Variants in ERC1 observed in about 807,000 individuals in gnomAD.
ERC1 encodes the protein RAB6 interacting protein 2.
A neutral mutation model predicts 132.0 loss-of-function variants in ERC1; 56 were observed. That is an observed-to-expected ratio of 0.42 (90% CI 0.34 to 0.53). The LOEUF is 0.53. Among genes scored for constraint, ERC1 ranks in the 20% least tolerant of loss-of-function variants. The pLI is 0.03. For synonymous variants in ERC1, 478 were observed against 476.1 expected, an observed-to-expected ratio of 1.00 and a Z score of -0.05; for missense variants, 1,202 against 1,349.9, an observed-to-expected ratio of 0.89 and a Z score of 1.72.
intron 15 of ERC1, among the ~76,000 whole-genome samples, chr12:1,324,647 T>C (rs964424154): frequency 2.0e-5 from 3 of 152,312 alleles, no homozygotes; most frequent in Non-Finnish European, 4.4e-5. Context: ...CCAATACATA[T>C]GGTATGACAG....
At chr12:1,409,919 G>A (rs1165880009) in intron 17 of ERC1, among the ~76,000 whole-genome samples, 3 of 152,024 alleles carry the variant, frequency 2.0e-5, no homozygotes, top group Non-Finnish European at 4.4e-5. Context: ...GTGTTGGCCA[G>A]GCTGGTCTCA....
rs1031194793 is a variant in ERC1, at chr12:1,415,416, T to C, written c.3024+7169T>C. ...GGATTTGGACCAGTATGCTAGACTT[T>C]TCTTTTTCATTAGAGATGATGTAAA... On this transcript the variant is annotated intron_variant, in intron 17 of 18. Coordinates refer to ENST00000360905, the MANE Select transcript of ERC1 (RefSeq NM_178040.4). Among the ~76,000 whole-genome samples the C allele has an allele frequency of 1.1e-4, 16 of 152,248 alleles. 1 individual carries two copies. The highest frequency in any genetic ancestry group is 7.8e-4 in the Admixed American group (12 of 15,288).
intron 13 of ERC1, among the ~76,000 whole-genome samples, chr12:1,239,431 A>G (rs1052931484): frequency 3.9e-5 from 6 of 152,226 alleles, no homozygotes; most frequent in Non-Finnish European, 8.8e-5. Flanking sequence ...TTACAACAAC[A>G]TAATGAAGAA....
chr12:1,025,003 C>G (rs1291277477), intron 1 of ERC1, among the ~76,000 whole-genome samples: 1 of 151,918 alleles, frequency 6.6e-6, no homozygotes, highest in Admixed American at 6.6e-5. Flanking sequence ...TGGAGGATAT[C>G]CATAGGTTTT....
At chr12:1,430,640 A>T (rs1592006653) in intron 17 of ERC1, 1 of 152,390 alleles carries the variant, frequency 6.6e-6, no homozygotes, top group East Asian at 1.9e-4. Context: ...TTGGCCTCCC[A>T]AAGTGCTGGA....
At chr12:1,244,494 A>G (rs1435645894) in intron 13 of ERC1, 1 of 418,188 alleles carries the variant, frequency 2.4e-6, no homozygotes, top group Admixed American at 2.5e-5. Flanking sequence ...TTTTGTACTT[A>G]ATGGTTTGTT....
chr12:1,189,941 A>C lies in ERC1; in HGVS notation c.2240A>C (p.Tyr747Ser), dbSNP rs761194606. The change falls in exon 12 of 19, where the codon TAC becomes TCC. Residue 747 changes from tyrosine (Y) to serine (S), a missense_variant. Coordinates refer to ENST00000360905, the MANE Select transcript of ERC1 (RefSeq NM_178040.4). ...IQHLEREITR[Y>S]KDESSKAQAE... ...CACTTGGAGAGAGAGATCACCAGGTACAAAGATGAATCTAGCAAGGCCCAG... is the reference window on the plus strand; with the variant it reads ...CACTTGGAGAGAGAGATCACCAGGTCCAAAGATGAATCTAGCAAGGCCCAG... The C allele has an allele frequency of 6.2e-7, 1 of 1,614,132 alleles. No individual in the cohort carries two copies. The highest frequency in any genetic ancestry group is 1.1e-5 in the South Asian group (1 of 91,080).
chr12:1,170,602 A>T (rs1297962966), intron 8 of ERC1, among the ~76,000 whole-genome samples: 2 of 152,156 alleles, frequency 1.3e-5, no homozygotes, highest in South Asian at 2.1e-4. Flanking sequence ...AGGTCTGTCA[A>T]TTTTTTATAT....
At chr12:1,106,140 GTTTC>G (rs1303918985) in intron 4 of ERC1, among the ~76,000 whole-genome samples, 3 of 152,224 alleles carry the variant, frequency 2.0e-5, no homozygotes, top group Non-Finnish European at 4.4e-5. Flanking sequence ...CTATGCCTCA[GTTTC>G]TTTATCAACA....
chr12:1,434,163 A>T lies in ERC1; in HGVS notation c.3025-10399A>T, dbSNP rs145290976. On this transcript the variant is annotated intron_variant, in intron 17 of 18. Coordinates refer to ENST00000360905, the MANE Select transcript of ERC1 (RefSeq NM_178040.4). ...CTCTTTAATCTGTTTCTTATTTTCT[A>T]AACACCCGTAATATATTAGATTCTC... Among the ~76,000 whole-genome samples the T allele has an allele frequency of 9.1e-3, 1,390 of 152,146 alleles. 19 individuals carry two copies. The highest frequency in any genetic ancestry group is 0.032 in the African/African-American group (1,346 of 41,478).
chr12:1,393,526 C>T (rs1161932410), intron 16 of ERC1, among the ~76,000 whole-genome samples: 1 of 150,798 alleles, frequency 6.6e-6, no homozygotes, highest in Admixed American at 6.6e-5. Context: ...AGAGGAGACC[C>T]TGTCTCAATT....
chr12:990,805 G>A (rs539559509), upstream of ERC1, among the ~76,000 whole-genome samples: 5 of 152,158 alleles, frequency 3.3e-5, no homozygotes, highest in East Asian at 9.7e-4. Flanking sequence ...GCGCCGCTTA[G>A]GTTTGGGAAG....
In ERC1 at chr12:1,066,086, T is replaced by G. The variant is rs191459581; in HGVS notation, c.670-17078T>G. Among the ~76,000 whole-genome samples, 9 of 152,316 alleles carry G rather than the reference T, an allele frequency of 5.9e-5. No homozygotes were observed. In the East Asian group the frequency reaches 1.7e-3, roughly 29 times the overall value. On this transcript the variant is annotated intron_variant, in intron 2 of 18. Transcript: ENST00000360905. ...GTGATGGAAATATTATGGAACTAGG[T>G]AGAGGCAGTCATTGCGGAACACTGT... is the stretch of plus-strand genomic sequence containing the variant.
rs139618589 is a variant in ERC1 at position 1,114,093 on chromosome 12, G to A, written c.1402-1773G>A. Among the ~76,000 whole-genome samples, 1,024 of 151,826 alleles carry A rather than the reference G, an allele frequency of 6.7e-3. 3 individuals are homozygous for A. The highest frequency in any genetic ancestry group is 0.011 in the Non-Finnish European group (731 of 67,904). On this transcript the variant is annotated intron_variant, in intron 6 of 18. Coordinates refer to ENST00000360905, the MANE Select transcript of ERC1 (RefSeq NM_178040.4). The stretch of plus-strand genomic sequence containing the variant: ...GGCTGGAGTGCAGTGGCGAGATCTC[G>A]GCTCACTGCAACCTCTGACTCCCTG...
chr12:1,434,241 G>T (rs897919246), intron 17 of ERC1, among the ~76,000 whole-genome samples: 3 of 152,124 alleles, frequency 2.0e-5, no homozygotes, highest in African/African-American at 7.2e-5. Context: ...ACTAAAACTG[G>T]ACGTGGCTTC....
intron 3 of ERC1, among the ~76,000 whole-genome samples, chr12:1,095,397 C>CGA (rs369409388): frequency 1.5e-5 from 2 of 132,950 alleles, no homozygotes; most frequent in Non-Finnish European, 3.2e-5. Flanking sequence ...GCCACTGCAC[C>CGA]AAAAAAAAAA....
chr12:1,114,189 G>C (rs777940285), intron 6 of ERC1, among the ~76,000 whole-genome samples: 5 of 151,710 alleles, frequency 3.3e-5, no homozygotes, highest in Non-Finnish European at 5.9e-5. Context: ...ATGCCCAGCT[G>C]ATTTTTGTAT....
chr12:1,355,235 A>G (rs2085409984), intron 15 of ERC1, among the ~76,000 whole-genome samples: 1 of 152,224 alleles, frequency 6.6e-6, no homozygotes, highest in African/African-American at 2.4e-5. Context: ...TGTGGACACT[A>G]AACTTTGAAT....
intron 2 of ERC1, among the ~76,000 whole-genome samples, chr12:1,042,064 C>T (rs1190100028): frequency 1.3e-5 from 2 of 151,860 alleles, no homozygotes; most frequent in South Asian, 2.1e-4. Flanking sequence ...GTACTAGAGT[C>T]TGGCTCTGTT....
Sources: gnomAD v4.1 joint callset for allele counts (sites outside exome capture counted in the v4.1 genomes callset) on GRCh38, gnomAD v4.1.1 for gene constraint, MANE v1.5 for transcripts, NCBI Gene and HGNC (gene_info 2026-07-23, HGNC 2026-07-21) for gene names.